CAPZA2: variants seen among roughly 807,000 people sequenced by gnomAD.
CAPZA2 encodes capping actin protein of muscle Z-line subunit alpha 2, also known as F-actin-capping protein subunit alpha-2.
A neutral mutation model predicts 44.0 loss-of-function variants in CAPZA2; 13 were observed. That is an observed-to-expected ratio of 0.30 (90% confidence interval 0.19 to 0.47). CAPZA2 has a LOEUF of 0.47. Among genes scored for constraint, CAPZA2 ranks in the 20% least tolerant of loss-of-function variants. The pLI is 1.00. For synonymous variants in CAPZA2, 94 were observed against 108.2 expected, an observed-to-expected ratio of 0.87 and a Z score of 0.81; for missense variants, 244 against 338.6, an observed-to-expected ratio of 0.72 and a Z score of 2.19.
In CAPZA2 at chr7:116,917,890, C is replaced by T; in HGVS notation, c.*23C>T. On this transcript the variant is annotated 3_prime_UTR_variant, in exon 10 of 10. Transcript: ENST00000361183. Reference sequence around the variant, plus strand: ...TAAGATGAACATTGCATGACCGGATCATTTTAGTGTCTTTGCGTTAAAAAA... The same window carrying T: ...TAAGATGAACATTGCATGACCGGATTATTTTAGTGTCTTTGCGTTAAAAAA... 3 of 1,594,544 alleles carry T rather than the reference C, an allele frequency of 1.9e-6. No homozygotes were observed. In the South Asian group the frequency reaches 3.3e-5, roughly 18 times the overall value.
chr7:116,899,856 A>G lies in CAPZA2; in HGVS notation c.219+1021A>G, dbSNP rs1796973065. Among the ~76,000 whole-genome samples the G allele has an allele frequency of 2.0e-5, 3 of 151,668 alleles. No individual in the cohort carries two copies. In the South Asian group the frequency reaches 6.2e-4, roughly 31 times the overall value. On this transcript the variant is annotated intron_variant, in intron 4 of 9. Transcript: ENST00000361183. Reference sequence around the variant, plus strand: ...ATATTAAATATTTAAAACTAAAAAGATAAAACAAAAAAGGTAAACAGTATA... The same window carrying G: ...ATATTAAATATTTAAAACTAAAAAGGTAAAACAAAAAAGGTAAACAGTATA...
intron 9 of CAPZA2, 121 bp from the exon 10 acceptor site, chr7:116,917,606 G>C: frequency 1.3e-6 from 1 of 746,212 alleles, no homozygotes; most frequent in Non-Finnish European, 2.3e-6. Flanking sequence ...GATTTTATTT[G>C]ACTGTTTAAA....
chr7:116,917,499 C>T (rs899306648), intron 9 of CAPZA2, among the ~76,000 whole-genome samples: 13 of 152,106 alleles, frequency 8.5e-5, no homozygotes, highest in African/African-American at 2.4e-4. Context: ...CCTCGTGATC[C>T]GCCCACCTCA....
At position 116,912,189 on chromosome 7, in the gene CAPZA2, C is replaced by A. The variant is rs774410549; in HGVS notation, c.657+49C>A. 2.5e-6 allele frequency: 4 copies of A among 1,600,498 alleles called. No individual in the cohort carries two copies. In the South Asian group the frequency reaches 4.5e-5, roughly 18 times the overall value. ...AATTTAACCTAATACTTCTGTAAAA[C>A]CAGAACAGTTTTGGAATGAACATTT... On this transcript the variant is annotated intron_variant, in intron 8 of 9. Coordinates refer to ENST00000361183, the MANE Select transcript of CAPZA2 (RefSeq NM_006136.3).
rs1242785184 is a variant in CAPZA2, at chr7:116,920,067, A to AC, written c.*2204dup. The AC allele has an allele frequency of 6.7e-6, 1 of 149,696 alleles. No individual in the cohort carries two copies. Among genetic ancestry groups the AC allele is most frequent in the African/African-American group, 2.5e-5 (1 of 40,072 alleles). 9.3% of individuals were successfully genotyped at this position (149,696 alleles called of 1,614,324 possible). Reference sequence around the variant, plus strand: ...AGACCAGCCTGACCAACATGCTGAAACCCCGTCTCTACTAAAAACAAAAAA... The same window carrying AC: ...AGACCAGCCTGACCAACATGCTGAAACCCCCGTCTCTACTAAAAACAAAAAA... On this transcript the variant is annotated 3_prime_UTR_variant, in exon 10 of 10. Transcript: ENST00000361183.
At chr7:116,906,687 TATAGAACAAAAAATGA>T (rs1181531423) in intron 6 of CAPZA2, 1 of 183,616 alleles carries the variant, frequency 5.4e-6, no homozygotes, top group East Asian at 1.4e-4. Flanking sequence ...CAAAGATAAT[TATAGAACAAAAAATGA>T]TACTACTTTT....
intron 4 of CAPZA2, among the ~76,000 whole-genome samples, chr7:116,899,517 C>G (rs1796968129): frequency 6.6e-6 from 1 of 151,458 alleles, no homozygotes; most frequent in African/African-American, 2.4e-5. Context: ...TTACGGGGGA[C>G]AAGCAAAGAC....
intron 1 of CAPZA2, among the ~76,000 whole-genome samples, chr7:116,867,990 A>G (rs1796504422): frequency 6.6e-6 from 1 of 152,178 alleles, no homozygotes; most frequent in Admixed American, 6.5e-5. Context: ...AAGTTGTTGT[A>G]AGTCTAAATG....
intron 1 of CAPZA2, among the ~76,000 whole-genome samples, chr7:116,881,662 C>T (rs1796704480): frequency 1.3e-5 from 2 of 150,150 alleles, no homozygotes; most frequent in South Asian, 2.1e-4. Context: ...TGGCATGAAC[C>T]CGGGAGGCAG....
At chr7:116,878,942 A>G (rs908968594) in intron 1 of CAPZA2, among the ~76,000 whole-genome samples, 2 of 152,076 alleles carry the variant, frequency 1.3e-5, no homozygotes, top group South Asian at 2.1e-4. Flanking sequence ...CCTGACCAAC[A>G]TGATGAAACC....
chr7:116,876,989 C>T (rs563870657), intron 1 of CAPZA2, among the ~76,000 whole-genome samples: 2 of 152,032 alleles, frequency 1.3e-5, no homozygotes, highest in Admixed American at 6.5e-5. Context: ...AAGGGCTGGC[C>T]GGGACCCAAA....
At chr7:116,909,954 A>T in intron 6 of CAPZA2, 1 of 403,604 alleles carries the variant, frequency 2.5e-6, no homozygotes, top group Non-Finnish European at 4.6e-6. Flanking sequence ...AGCACTGCAC[A>T]CACACCAGCC....
chr7:116,905,728 AAATT>A (rs1791490219), intron 5 of CAPZA2, among the ~76,000 whole-genome samples: 1 of 152,208 alleles, frequency 6.6e-6, no homozygotes, highest in African/African-American at 2.4e-5. Flanking sequence ...TGAAAGGCAC[AAATT>A]AATTATTATT....
chr7:116,908,928 G>C (rs765095477), intron 6 of CAPZA2, among the ~76,000 whole-genome samples: 49 of 152,202 alleles, frequency 3.2e-4, no homozygotes, highest in South Asian at 1.0e-3. Context: ...CAGTGTAACT[G>C]TAAGTATGAG....
chr7:116,863,664 A>G (rs1349514204), intron 1 of CAPZA2, among the ~76,000 whole-genome samples: 1 of 152,206 alleles, frequency 6.6e-6, no homozygotes. Context: ...AAGGACCCTT[A>G]GAAGTAACTG....
chr7:116,871,966 C>T (rs1796560019), intron 1 of CAPZA2, among the ~76,000 whole-genome samples: 1 of 152,078 alleles, frequency 6.6e-6, no homozygotes, highest in African/African-American at 2.4e-5. Context: ...TGGGTGAGGC[C>T]TGGAGTGTCT....
At chr7:116,892,881 A>T in intron 2 of CAPZA2, 113 bp from the exon 3 acceptor site, 1 of 445,944 alleles carries the variant, frequency 2.2e-6, no homozygotes, top group Non-Finnish European at 3.9e-6. Context: ...TGATATTTTG[A>T]TCTTGCTTGT....
At position 116,883,545 on chromosome 7, in the gene CAPZA2, T is replaced by G. The variant is rs1405072941; in HGVS notation, c.40-4582T>G. ...AGTATTTCAGGCACGGCTGGTTTAATCCACATTGTGTTTGGGGTTCTCAGC... is the reference window on the plus strand; with the variant it reads ...AGTATTTCAGGCACGGCTGGTTTAAGCCACATTGTGTTTGGGGTTCTCAGC... On this transcript the variant is annotated intron_variant, in intron 1 of 9. Coordinates refer to ENST00000361183, the MANE Select transcript of CAPZA2 (RefSeq NM_006136.3). 3.9e-5 allele frequency among the ~76,000 whole-genome samples: 6 copies of G among 152,316 alleles called. No homozygotes were observed. The East Asian group carries it at 1.2e-3, about 29-fold the overall frequency.
chr7:116,906,299 AT>A lies in CAPZA2; in HGVS notation c.465del (p.Ile155MetfsTer4). The A allele has an allele frequency of 6.2e-7, 1 of 1,612,956 alleles. No individual in the cohort carries two copies. On this transcript the variant is annotated frameshift_variant, in exon 6 of 10. Coordinates refer to ENST00000361183, the MANE Select transcript of CAPZA2 (RefSeq NM_006136.3). LOFTEE classifies it high-confidence loss of function. ...GKKIDGQQTI[I>X]ACIESHQFQA... ...AAAAATAGATGGACAGCAAACCATT[AT>A]TGCATGCATAGAAAGCCATCAGTTC...
Sources: gnomAD v4.1 joint callset for allele counts (sites outside exome capture counted in the v4.1 genomes callset) on GRCh38, gnomAD v4.1.1 for gene constraint, MANE v1.5 for transcripts, NCBI Gene and HGNC (gene_info 2026-07-23, HGNC 2026-07-21) for gene names.